Variants in RYR1 observed in about 807,000 individuals in gnomAD.
RYR1 encodes ryanodine receptor 1.
In RYR1, 342 loss-of-function variants were observed where a neutral mutation model predicts 583.5. The ratio of observed to expected loss-of-function variants is 0.59; its 90% CI spans 0.54 to 0.64. The LOEUF (loss-of-function observed/expected upper bound fraction) is 0.64, where lower values mean the gene tolerates loss of function less well. Among genes scored for constraint, RYR1 ranks in the 30% least tolerant of loss-of-function variants. The pLI, the probability that RYR1 is intolerant of heterozygous loss-of-function variation, is 0.00. For missense variants in RYR1, 6,032 were observed against 6,917.2 expected, an observed-to-expected ratio of 0.87 and a Z score of 4.54; for synonymous variants, 2,791 against 2,822.5, an observed-to-expected ratio of 0.99 and a Z score of 0.35.
intron 90 of RYR1, among the ~76,000 whole-genome samples, chr19:38,563,536 A>G (rs1244842629): frequency 6.6e-6 from 1 of 152,140 alleles, no homozygotes; most frequent in Non-Finnish European, 1.5e-5. Context: ...AAGTGTTGGG[A>G]TTACAGGTGT....
chr19:38,457,435 G>T (rs1366541199), intron 16 of RYR1, 62 bp from the exon 17 acceptor site: 3 of 1,613,218 alleles, frequency 1.9e-6, no homozygotes, highest in Non-Finnish European at 2.5e-6. Flanking sequence ...CCCTCCCAGG[G>T]TTCTTCTGTA....
At position 38,517,405 on chromosome 19, in the gene RYR1, G is replaced by A. The variant is rs764290955; in HGVS notation, c.9732G>A (p.Pro3244=). 1.4e-5 allele frequency: 22 copies of A among 1,613,946 alleles called. No individual in the cohort carries two copies. Among genetic ancestry groups the A allele is most frequent in the Admixed American group, 3.3e-5 (2 of 60,002 alleles). Residue 3244 remains proline, a synonymous_variant, in exon 66 of 106, where the codon CCG becomes CCA. Transcript: ENST00000359596. ...TGGAGGAGATGTGTCCCGACATCCC[G>A]GTGCTGGAGCGGCTCATGGCAGACA... is the stretch of plus-strand genomic sequence containing the variant. ...NSVEEMCPDI[P]VLERLMADIG...
chr19:38,476,746 A>G (rs1252183838), intron 29 of RYR1, among the ~76,000 whole-genome samples: 2 of 152,218 alleles, frequency 1.3e-5, no homozygotes, highest in Admixed American at 6.5e-5. Context: ...ACTGGGTGCC[A>G]CTTGGGCAAA....
At chr19:38,491,803 C>A (rs1351481079) in intron 37 of RYR1, among the ~76,000 whole-genome samples, 3 of 152,158 alleles carry the variant, frequency 2.0e-5, no homozygotes, top group African/African-American at 7.2e-5. Flanking sequence ...AGTTCACTGA[C>A]TGTTTCTCCT....
chr19:38,523,812 T>C, intron 69 of RYR1, 103 bp from the exon 70 acceptor site: 2 of 1,454,792 alleles, frequency 1.4e-6, no homozygotes, highest in Non-Finnish European at 1.9e-6. Context: ...ACATGGCGGG[T>C]GGGGCAGAGG....
chr19:38,538,054 C>A lies in RYR1; in HGVS notation c.11689+94C>A, dbSNP rs112783810. 3.4e-6 allele frequency: 4 copies of A among 1,160,832 alleles called. No individual in the cohort carries two copies. The Admixed American group carries it at 7.1e-5, about 21-fold the overall frequency. The allele number at this position is 1,160,832 out of a possible 1,614,324, so 71.9% of individuals were successfully genotyped here. ...TTAGTTTCCGCCCCTCCTCCTCCCC[C>A]GGTCAATGATGGCCACTCTCCAGCC... On this transcript the variant is annotated intron_variant, in intron 84 of 105. Transcript: ENST00000359596.
At chr19:38,587,216 G>C (rs901809487) in intron 105 of RYR1, 109 bp from the exon 106 acceptor site, 9 of 761,310 alleles carry the variant, frequency 1.2e-5, no homozygotes, top group Non-Finnish European at 1.8e-5. Flanking sequence ...TGTCGCCACT[G>C]CACTCCAGCC....
Position 38,510,579 on chromosome 19 carries a change from T to G in RYR1, c.9000+14T>G, listed in dbSNP as rs1336700233. 1 of 1,614,136 alleles carries G rather than the reference T, an allele frequency of 6.2e-7. No individual in the cohort carries two copies. Among genetic ancestry groups the G allele is most frequent in the Non-Finnish European group, 8.5e-7 (1 of 1,180,040 alleles). Reference sequence around the variant, plus strand: ...TTCTTTGCCAAGGTGAGAGGTGGGCTTAGAAGCTGGAGGGCGCTGGGGACT... The same window carrying G: ...TTCTTTGCCAAGGTGAGAGGTGGGCGTAGAAGCTGGAGGGCGCTGGGGACT... On this transcript the variant is annotated intron_variant, in intron 59 of 105. Coordinates refer to ENST00000359596, the MANE Select transcript of RYR1 (RefSeq NM_000540.3).
chr19:38,577,551 C>T lies in RYR1; in HGVS notation c.14173-367C>T, dbSNP rs1974012880. ...GTGGCTCACGCCTGTAATCCCAGCACTTTGGGAGGCCAAGGAGGGCAGATC... is the reference window on the plus strand; with the variant it reads ...GTGGCTCACGCCTGTAATCCCAGCATTTTGGGAGGCCAAGGAGGGCAGATC... On this transcript the variant is annotated intron_variant, in intron 97 of 105. Transcript: ENST00000359596. Among the ~76,000 whole-genome samples the T allele has an allele frequency of 2.0e-5, 3 of 152,030 alleles. No individual in the cohort carries two copies. In the South Asian group the frequency reaches 6.2e-4, roughly 32 times the overall value.
At position 38,490,069 on chromosome 19, in the gene RYR1, T is replaced by C. The variant is rs1969483046; in HGVS notation, c.5815-7T>C. 1 of 1,613,826 alleles carries C rather than the reference T, an allele frequency of 6.2e-7. No individual in the cohort carries two copies. The highest frequency in any genetic ancestry group is 1.1e-5 in the South Asian group (1 of 91,062). ...ATCTCTCCTCCCACACGGCTGTCCT[T>C]CCACAGATGTGCCACCTGCTGGAGT... is the stretch of plus-strand genomic sequence containing the variant. On this transcript the variant is annotated splice_region_variant and splice_polypyrimidine_tract_variant and intron_variant, in intron 35 of 105. Transcript: ENST00000359596.
chr19:38,505,670 G>A (rs1228934753), intron 53 of RYR1, 136 bp from the exon 54 acceptor site: 2 of 1,097,888 alleles, frequency 1.8e-6, no homozygotes, highest in African/African-American at 1.6e-5. Flanking sequence ...CTGTTACAGA[G>A]CAGGTAAGAG....
Position 38,469,066 on chromosome 19 carries a change from T to C in RYR1, c.3482T>C (p.Phe1161Ser). 1 of 1,614,158 alleles carries C rather than the reference T, an allele frequency of 6.2e-7. No individual in the cohort carries two copies. Among genetic ancestry groups the C allele is most frequent in the Non-Finnish European group, 8.5e-7 (1 of 1,180,020 alleles). Reference sequence around the variant, plus strand: ...GACCTCACAGAGAACACCATTATCTTCACCCTCAATGGCGAGGTCCTCATG... The same window carrying C: ...GACCTCACAGAGAACACCATTATCTCCACCCTCAATGGCGAGGTCCTCATG... Reference protein sequence around the residue: ...MIDLTENTIIFTLNGEVLMSD... With the variant: ...MIDLTENTIISTLNGEVLMSD... The change falls in exon 26 of 106, where the codon TTC (phenylalanine) becomes TCC (serine). Residue 1161 changes from phenylalanine (F) to serine (S), a missense_variant. By Grantham distance (155) the Phe-to-Ser change is radical. Transcript: ENST00000359596.
chr19:38,568,338 G>C (rs562171087), intron 93 of RYR1, among the ~76,000 whole-genome samples: 1 of 152,194 alleles, frequency 6.6e-6, no homozygotes, highest in East Asian at 1.9e-4. Context: ...CCAATTCCTG[G>C]GGAAGCGTTC....
In RYR1 at chr19:38,500,578, T is replaced by C; in HGVS notation, c.7324-28T>C. 1 of 1,611,402 alleles carries C rather than the reference T, an allele frequency of 6.2e-7. No individual in the cohort carries two copies. The highest frequency in any genetic ancestry group is 8.5e-7 in the Non-Finnish European group (1 of 1,179,812). On this transcript the variant is annotated intron_variant, in intron 45 of 105. Coordinates refer to ENST00000359596, the MANE Select transcript of RYR1 (RefSeq NM_000540.3). This position sits in a 1 kb window ranked among gnomAD's most constrained non-coding sequence, Gnocchi z 5.9. ...GAGTGGGGCACCAGCGCCTGATGAGTGCCCCTCTCCCTCCCTCTACTCCCC... is the reference window on the plus strand; with the variant it reads ...GAGTGGGGCACCAGCGCCTGATGAGCGCCCCTCTCCCTCCCTCTACTCCCC...
At chr19:38,474,208 A>C (rs1174534380) in intron 28 of RYR1, among the ~76,000 whole-genome samples, 1 of 152,030 alleles carries the variant, frequency 6.6e-6, no homozygotes, top group Non-Finnish European at 1.5e-5. Flanking sequence ...TTAAAGGGAG[A>C]TTCTGAGAAG....
rs1234717989 is a variant in RYR1 at position 38,512,216 on chromosome 19, G to A, written c.9234-29G>A. 4 of 1,614,106 alleles carry A rather than the reference G, an allele frequency of 2.5e-6. No homozygotes were observed. Among genetic ancestry groups the A allele is most frequent in the Non-Finnish European group, 3.4e-6 (4 of 1,179,958 alleles). On this transcript the variant is annotated intron_variant, in intron 62 of 105. Coordinates refer to ENST00000359596, the MANE Select transcript of RYR1 (RefSeq NM_000540.3). This position sits in a 1 kb window ranked among gnomAD's most constrained non-coding sequence, Gnocchi z 5.1. ...TGGTCTCCTAGACTCTCCGATTCCAGAGCTGATGTTCCCCCGCTGCCCTTC... is the reference window on the plus strand; with the variant it reads ...TGGTCTCCTAGACTCTCCGATTCCAAAGCTGATGTTCCCCCGCTGCCCTTC...
chr19:38,561,432 G>T lies in RYR1; in HGVS notation c.12602G>T (p.Arg4201Leu). 1 of 1,609,778 alleles carries T rather than the reference G, an allele frequency of 6.2e-7. No individual in the cohort carries two copies. The highest frequency in any genetic ancestry group is 8.5e-7 in the Non-Finnish European group (1 of 1,179,238). Residue 4201 changes from arginine to leucine, a missense_variant, in exon 90 of 106, where the codon CGC becomes CTC. Arg to Leu is a moderately radical substitution (Grantham distance 102). This residue lies in a region of RYR1 where 753 missense variants were observed against 759.6 expected (regional missense o/e 0.99). Transcript: ENST00000359596. The surrounding 1 kb of genome is among the most constrained non-coding windows in gnomAD (Gnocchi z 4.8). ...RIYFEISETNRAQWEMPQVKE... is the reference protein window; with the variant it reads ...RIYFEISETNLAQWEMPQVKE... ...TACTTCGAGATCTCAGAGACCAACC[G>T]CGCCCAGTGGGAGATGCCCCAGGTC... is the stretch of plus-strand genomic sequence containing the variant.
rs1038490335 is a variant in RYR1 at position 38,570,308 on chromosome 19, T to C, written c.13660-299T>C. Reference sequence around the variant, plus strand: ...CTCTACTAAAAATACACAAATTAGCTGGGCGTGGTGGCACACGCCTGTAGT... The same window carrying C: ...CTCTACTAAAAATACACAAATTAGCCGGGCGTGGTGGCACACGCCTGTAGT... On this transcript the variant is annotated intron_variant, in intron 93 of 105. Coordinates refer to ENST00000359596, the MANE Select transcript of RYR1 (RefSeq NM_000540.3). 9.2e-5 allele frequency among the ~76,000 whole-genome samples: 14 copies of C among 151,522 alleles called. No individual in the cohort carries two copies. In the East Asian group the frequency reaches 2.5e-3, roughly 27 times the overall value.
In RYR1 at chr19:38,548,322, G is replaced by C; in HGVS notation, c.12184G>C (p.Asp4062His). The C allele has an allele frequency of 6.2e-7, 1 of 1,614,182 alleles. No homozygotes were observed. Among genetic ancestry groups the C allele is most frequent in the Non-Finnish European group, 8.5e-7 (1 of 1,180,032 alleles). ...SNVEMILKFFDMFLKLKDIVG... is the reference protein window; with the variant it reads ...SNVEMILKFFHMFLKLKDIVG... ...TGTGGAGATGATCCTCAAGTTCTTCGACATGTTCCTGAAACTCAAGGACAT... is the reference window on the plus strand; with the variant it reads ...TGTGGAGATGATCCTCAAGTTCTTCCACATGTTCCTGAAACTCAAGGACAT... Residue 4062 changes from aspartate (D) to histidine (H), a missense_variant, in exon 89 of 106, where the codon GAC (aspartate) becomes CAC (histidine). By Grantham distance (81) the Asp-to-His change is moderately conservative (BLOSUM62 -1). Transcript: ENST00000359596.
Sources: allele counts gnomAD v4.1 joint callset (sites outside exome capture counted in the v4.1 genomes callset), GRCh38; gene constraint gnomAD v4.1.1; regional missense constraint gnomAD v4.1.1; non-coding constraint Gnocchi (gnomAD v3.1); transcripts MANE v1.5; gene names NCBI Gene and HGNC (gene_info 2026-07-23, HGNC 2026-07-21).